Variants in DGKD observed in about 807,000 individuals in gnomAD.
The protein encoded by DGKD is diacylglycerol kinase delta.
DGKD carries 68 observed loss-of-function variants against 154.4 expected under a neutral mutation model. That is an observed-to-expected ratio of 0.44 (90% CI 0.36 to 0.54). The LOEUF (loss-of-function observed/expected upper bound fraction) is 0.54, where lower values mean the gene tolerates loss of function less well. DGKD is among the 20% of genes least tolerant of loss of function. The probability of loss-of-function intolerance (pLI) is 0.00; values close to 1 mark genes in which losing one functional copy is unlikely to be tolerated. For synonymous variants in DGKD, 693 were observed against 638.0 expected (o/e 1.09, Z -1.30); for missense variants, 1,343 against 1,593.6 (o/e 0.84, Z 2.68).
chr2:233,365,756 G>A (rs1212867966), intron 1 of DGKD, among the ~76,000 whole-genome samples: 1 of 152,164 alleles, frequency 6.6e-6, no homozygotes, highest in Non-Finnish European at 1.5e-5. Context: ...AAATCTCAAT[G>A]TATTTGGAAA....
chr2:233,428,589 C>T (rs572522207), intron 3 of DGKD, among the ~76,000 whole-genome samples: 4 of 152,286 alleles, frequency 2.6e-5, no homozygotes, highest in African/African-American at 9.6e-5. Flanking sequence ...TTAATAGCTC[C>T]GGTTTTCAGA....
At chr2:233,372,255 A>G (rs1702359374) in intron 1 of DGKD, among the ~76,000 whole-genome samples, 3 of 152,280 alleles carry the variant, frequency 2.0e-5, no homozygotes, top group East Asian at 1.9e-4. Context: ...TCCTGGGCTC[A>G]AGCAATCCGC....
intron 10 of DGKD, among the ~76,000 whole-genome samples, chr2:233,443,562 T>C (rs568421920): frequency 1.0e-3 from 159 of 152,316 alleles, no homozygotes; most frequent in South Asian, 2.3e-3. Flanking sequence ...CTTATGTTTA[T>C]TATGGCCCCA....
Position 233,449,879 on chromosome 2 carries a change from G to A in DGKD, c.1889-103G>A, listed in dbSNP as rs2063212573. Reference sequence around the variant, plus strand: ...AGCCTTTAGCCAGAGGTTGTTTGAGGAAGATCAGGCCGTGGGGTGAGGATG... The same window carrying A: ...AGCCTTTAGCCAGAGGTTGTTTGAGAAAGATCAGGCCGTGGGGTGAGGATG... On this transcript the variant is annotated intron_variant, in intron 15 of 29. Coordinates refer to ENST00000264057, the MANE Select transcript of DGKD (RefSeq NM_152879.3). The surrounding 1 kb of genome is among the most constrained non-coding windows in gnomAD (Gnocchi z 5.3). 16 of 1,375,236 alleles carry A rather than the reference G, an allele frequency of 1.2e-5. No homozygotes were observed. Among genetic ancestry groups the A allele is most frequent in the South Asian group, 1.5e-5 (1 of 66,068 alleles). The allele number at this position is 1,375,236 out of a possible 1,614,324, so 85.2% of individuals were successfully genotyped here.
At chr2:233,424,517 C>T (rs550376843) in intron 3 of DGKD, among the ~76,000 whole-genome samples, 9 of 152,344 alleles carry the variant, frequency 5.9e-5, no homozygotes, top group South Asian at 2.1e-4. Flanking sequence ...CCTGCCAAAA[C>T]GGAAATGAAA....
chr2:233,442,018 A>G lies in DGKD; in HGVS notation c.1194+23A>G. ...CAGGTACCAGGACAGGAGGGAGCCC[A>G]GCCAGGAGCAGAGAGGGTGCGGAGG... On this transcript the variant is annotated intron_variant, in intron 10 of 29. Coordinates refer to ENST00000264057, the MANE Select transcript of DGKD (RefSeq NM_152879.3). The G allele has an allele frequency of 1.9e-6, 3 of 1,600,728 alleles. No homozygotes were observed. The Middle Eastern group carries it at 5.0e-4, about 266-fold the overall frequency.
intron 10 of DGKD, among the ~76,000 whole-genome samples, chr2:233,443,436 C>T (rs2062962839): frequency 6.6e-6 from 1 of 151,544 alleles, no homozygotes; most frequent in African/African-American, 2.4e-5. Flanking sequence ...CCCGGTTTGT[C>T]GTTTGTCAGT....
At chr2:233,405,322 C>T (rs1481707193) in intron 3 of DGKD, among the ~76,000 whole-genome samples, 1 of 152,122 alleles carries the variant, frequency 6.6e-6, no homozygotes, top group Non-Finnish European at 1.5e-5. Context: ...AGTTTGAGAT[C>T]AGCCTGATCA....
At chr2:233,393,048 G>C (rs1367996514) in intron 3 of DGKD, among the ~76,000 whole-genome samples, 1 of 152,042 alleles carries the variant, frequency 6.6e-6, no homozygotes, top group Non-Finnish European at 1.5e-5. Context: ...ACGGAATCTT[G>C]CTCTGTTGCC....
chr2:233,428,874 T>TGTTG (rs1553634463), intron 3 of DGKD, among the ~76,000 whole-genome samples: 18 of 151,630 alleles, frequency 1.2e-4, no homozygotes, highest in South Asian at 4.2e-4. Flanking sequence ...GAGGTTTTTT[T>TGTTG]TTGTTGTTGT....
In DGKD at chr2:233,457,920, G is replaced by A. The variant is rs375411272; in HGVS notation, c.2581-364G>A. ...TAAACCTTCCTTTGTACGTAATAGC[G>A]AATAGAAGTATTCAGCGCTTCCTGC... is the stretch of plus-strand genomic sequence containing the variant. On this transcript the variant is annotated intron_variant, in intron 21 of 29. Coordinates refer to ENST00000264057, the MANE Select transcript of DGKD (RefSeq NM_152879.3). The surrounding 1 kb of genome is among the most constrained non-coding windows in gnomAD (Gnocchi z 5.5). 5 of 324,610 alleles carry A rather than the reference G, an allele frequency of 1.5e-5. No individual in the cohort carries two copies. The highest frequency in any genetic ancestry group is 2.1e-5 in the African/African-American group (1 of 47,304). The allele number at this position is 324,610 out of a possible 1,614,324, so 20.1% of individuals were successfully genotyped here. A position where few individuals can be genotyped will look rare whatever the true frequency, so the allele number is the denominator to read the frequency against.
At chr2:233,407,197 G>A (rs548153829) in intron 3 of DGKD, among the ~76,000 whole-genome samples, 1 of 152,330 alleles carries the variant, frequency 6.6e-6, no homozygotes, top group African/African-American at 2.4e-5. Context: ...GAAAGTAATA[G>A]GGTTTAACTT....
At chr2:233,374,605 G>C (rs1282648567) in intron 1 of DGKD, among the ~76,000 whole-genome samples, 1 of 152,016 alleles carries the variant, frequency 6.6e-6, no homozygotes, top group Non-Finnish European at 1.5e-5. Flanking sequence ...AAAGTGCTGA[G>C]ATTACAGGTG....
chr2:233,469,001 C>T (rs1036874256), intron 29 of DGKD, among the ~76,000 whole-genome samples: 1 of 152,214 alleles, frequency 6.6e-6, no homozygotes, highest in Non-Finnish European at 1.5e-5. Context: ...CCCAGGTTGG[C>T]CTCAACGGGC....
At chr2:233,377,496 G>A (rs1690370632) in intron 1 of DGKD, among the ~76,000 whole-genome samples, 1 of 152,120 alleles carries the variant, frequency 6.6e-6, no homozygotes, top group Non-Finnish European at 1.5e-5. Flanking sequence ...ATAGTTATAT[G>A]GTACTCCATA....
chr2:233,469,786 C>T lies in DGKD; in HGVS notation c.*326C>T. 3 of 298,562 alleles carry T rather than the reference C, an allele frequency of 1.0e-5. No homozygotes were observed. The South Asian group carries it at 1.4e-4, about 14-fold the overall frequency. 18.5% of individuals were successfully genotyped at this position (298,562 alleles called of 1,614,324 possible). ...GGCCAGGGAATCCAGCGGCGTCTGG[C>T]CTCCTGGGCACTGCTTGCCTGGCCT... On this transcript the variant is annotated 3_prime_UTR_variant, in exon 30 of 30. Coordinates refer to ENST00000264057, the MANE Select transcript of DGKD (RefSeq NM_152879.3).
chr2:233,377,631 A>T (rs1444283168), intron 1 of DGKD, among the ~76,000 whole-genome samples: 1 of 151,962 alleles, frequency 6.6e-6, no homozygotes, highest in South Asian at 2.1e-4. Flanking sequence ...TATTTTGCCA[A>T]AGTGTCTTTT....
intron 3 of DGKD, among the ~76,000 whole-genome samples, chr2:233,397,501 G>A (rs1238394788): frequency 2.2e-5 from 2 of 92,630 alleles, no homozygotes; most frequent in Non-Finnish European, 4.2e-5. Context: ...GGGCCAGAGC[G>A]AGGCGAGAGG....
At chr2:233,446,275 C>T (rs1370447214) in intron 11 of DGKD, among the ~76,000 whole-genome samples, 1 of 152,212 alleles carries the variant, frequency 6.6e-6, no homozygotes, top group Non-Finnish European at 1.5e-5. Context: ...TGATGAGATG[C>T]CTCCTAGCCT....
Sources: allele counts gnomAD v4.1 joint callset (sites outside exome capture counted in the v4.1 genomes callset), GRCh38; gene constraint gnomAD v4.1.1; non-coding constraint Gnocchi (gnomAD v3.1); transcripts MANE v1.5; gene names NCBI Gene and HGNC (gene_info 2026-07-23, HGNC 2026-07-21).